LRRC42: variants seen among roughly 807,000 people sequenced by gnomAD.
LRRC42 encodes the protein leucine-rich repeat-containing protein 42.
Under a neutral mutation model 44.3 loss-of-function variants are expected in LRRC42, and 43 were observed. That is an observed-to-expected ratio of 0.97 (90% confidence interval 0.76 to 1.25). LRRC42 has a LOEUF of 1.25. Among genes scored for constraint, LRRC42 ranks in the 50% most tolerant of loss-of-function variants. LRRC42 has a pLI of 0.00. For missense variants in LRRC42, 540 were observed against 509.1 expected (o/e 1.06, Z -0.58); for synonymous variants, 207 against 195.2 (o/e 1.06, Z -0.50).
intron 2 of LRRC42, among the ~76,000 whole-genome samples, chr1:53,949,687 G>A (rs1472471467): frequency 6.6e-6 from 1 of 152,204 alleles, no homozygotes; most frequent in Admixed American, 6.5e-5. Flanking sequence ...CAAGAGAAAA[G>A]TATGGGTTAT....
chr1:53,951,028 T>G (rs915424787), intron 2 of LRRC42, among the ~76,000 whole-genome samples: 2 of 152,232 alleles, frequency 1.3e-5, no homozygotes, highest in African/African-American at 4.8e-5. Context: ...CACTGTGTTA[T>G]AGAGTCTGCA....
intron 4 of LRRC42, 149 bp from the exon 5 acceptor site, chr1:53,960,207 G>A: frequency 1.7e-6 from 1 of 591,262 alleles, no homozygotes; most frequent in Non-Finnish European, 2.9e-6. Flanking sequence ...GCCCAAAAGA[G>A]CTTAACTTTG....
intron 3 of LRRC42, among the ~76,000 whole-genome samples, chr1:53,954,762 G>A (rs1193827962): frequency 6.6e-6 from 1 of 152,154 alleles, no homozygotes; most frequent in Non-Finnish European, 1.5e-5. Context: ...TGGTCAGATT[G>A]GGATGAGAAT....
chr1:53,965,484 C>A (rs1263668771), intron 7 of LRRC42, among the ~76,000 whole-genome samples: 1 of 140,556 alleles, frequency 7.1e-6, no homozygotes, highest in Non-Finnish European at 1.6e-5. Context: ...TTTTTCTTTT[C>A]TTTTTTTTTT....
At chr1:53,952,537 C>T (rs1306635155) in intron 3 of LRRC42, 65 bp downstream of exon 3, 8 of 1,368,506 alleles carry the variant, frequency 5.8e-6, no homozygotes, top group South Asian at 1.4e-5. Context: ...AGCTCTGGGG[C>T]TTAGTGGGCT....
chr1:53,959,213 A>T (rs1654929165), intron 4 of LRRC42, among the ~76,000 whole-genome samples: 1 of 152,244 alleles, frequency 6.6e-6, no homozygotes, highest in Non-Finnish European at 1.5e-5. Flanking sequence ...AACAATCATT[A>T]TCGTTTGCTA....
At chr1:53,958,372 C>T in intron 4 of LRRC42, 92 bp downstream of exon 4, 2 of 1,498,580 alleles carry the variant, frequency 1.3e-6, no homozygotes, top group East Asian at 2.3e-5. Flanking sequence ...CTGATTACTT[C>T]CCATTCTTAT....
chr1:53,952,537 C>A, intron 3 of LRRC42, 65 bp downstream of exon 3: 1 of 1,368,622 alleles, frequency 7.3e-7, no homozygotes, highest in Non-Finnish European at 9.9e-7. Context: ...AGCTCTGGGG[C>A]TTAGTGGGCT....
chr1:53,967,116 A>G (rs796724585), intron 8 of LRRC42, among the ~76,000 whole-genome samples: 3 of 152,358 alleles, frequency 2.0e-5, no homozygotes, highest in African/African-American at 7.2e-5. Context: ...ATATTTTATC[A>G]TGATTTTAAA....
intron 3 of LRRC42, among the ~76,000 whole-genome samples, chr1:53,956,804 T>C (rs1654853729): frequency 6.6e-6 from 1 of 152,242 alleles, no homozygotes; most frequent in Non-Finnish European, 1.5e-5. Context: ...TCAGAATTAC[T>C]AAAAATCTTT....
rs553807489 is a variant in LRRC42 at position 53,958,036 on chromosome 1, A to G, written c.474-113A>G. On this transcript the variant is annotated intron_variant, in intron 3 of 8. Transcript: ENST00000371370. ...GTAATTAGTGAAGTCTGCTTATTCC[A>G]TAGTACTGTGTCCTGATGGGATGGT... The G allele has an allele frequency of 7.7e-5, 105 of 1,359,428 alleles. 1 individual carries two copies. The highest frequency in any genetic ancestry group is 3.4e-4 in the East Asian group (14 of 40,962). 84.2% of individuals were successfully genotyped at this position (1,359,428 alleles called of 1,614,324 possible). A position where few individuals can be genotyped will look rare whatever the true frequency, so the allele number is the denominator to read the frequency against.
intron 5 of LRRC42, among the ~76,000 whole-genome samples, chr1:53,961,304 G>A (rs866126796): frequency 3.4e-4 from 51 of 152,042 alleles, no homozygotes; most frequent in African/African-American, 1.1e-3. Context: ...CCAGCTACTC[G>A]GGAGGCTGAG....
At position 53,966,345 on chromosome 1, in the gene LRRC42, A is replaced by T. The variant is rs909563119; in HGVS notation, c.977A>T (p.Glu326Val). Reference protein sequence around the residue: ...RVTAEAVKPRETSEPRAAAQR... With the variant: ...RVTAEAVKPRVTSEPRAAAQR... ...ACTGCGGAAGCTGTGAAGCCACGGGAGACCTCGGAGCCTAGAGCAGCAGCT... is the reference window on the plus strand; with the variant it reads ...ACTGCGGAAGCTGTGAAGCCACGGGTGACCTCGGAGCCTAGAGCAGCAGCT... The change falls in exon 8 of 9, where the codon GAG becomes GTG. Residue 326 changes from glutamate (E) to valine (V), a missense_variant. Coordinates refer to ENST00000371370, the MANE Select transcript of LRRC42 (RefSeq NM_001256409.2). 2 of 1,614,038 alleles carry T rather than the reference A, an allele frequency of 1.2e-6. No individual in the cohort carries two copies. The highest frequency in any genetic ancestry group is 1.7e-6 in the Non-Finnish European group (2 of 1,179,868).
rs1369514944 is a variant in LRRC42 at position 53,962,106 on chromosome 1, C to G, written c.797C>G (p.Ser266Cys). The G allele has an allele frequency of 5.0e-6, 8 of 1,613,502 alleles. No homozygotes were observed. Among genetic ancestry groups the G allele is most frequent in the Non-Finnish European group, 6.8e-6 (8 of 1,179,504 alleles). Residue 266 changes from serine (S) to cysteine (C), a missense_variant, in exon 6 of 9, where the codon TCT (serine) becomes TGT (cysteine). Transcript: ENST00000371370. ...AGGAAACTAAACTGCTTAGATATCT[C>G]TGGGACAGGGCTCAAGGTAAGACTT... ...SFRKLNCLDISGTGLKDIKTV... is the reference protein window; with the variant it reads ...SFRKLNCLDICGTGLKDIKTV...
Position 53,967,702 on chromosome 1 carries a change from TC to T in LRRC42, c.1054del (p.Leu352TrpfsTer6). 6.2e-7 allele frequency: 1 copy of T among 1,614,028 alleles called. No homozygotes were observed. Among genetic ancestry groups the T allele is most frequent in the South Asian group, 1.1e-5 (1 of 91,074 alleles). On this transcript the variant is annotated frameshift_variant, in exon 9 of 9. Coordinates refer to ENST00000371370, the MANE Select transcript of LRRC42 (RefSeq NM_001256409.2). LOFTEE classifies it high-confidence loss of function. ...CTCGAGCAGAAGCCCCACTGAAGTG[TC>T]CCCTGGCAGACACCCACATGAACTC... ...RSRAEAPLKC[P>X]LADTHMNSSE...
Position 53,966,393 on chromosome 1 carries a change from C to T in LRRC42, c.1012+13C>T, listed in dbSNP as rs187265446. ...GCTCAGCGCTTCTGTGAGAAATTCC[C>T]TTTCCTTTGAAGTTTTTTGCCCTTT... is the stretch of plus-strand genomic sequence containing the variant. On this transcript the variant is annotated intron_variant, in intron 8 of 8. Transcript: ENST00000371370. 70 of 1,606,958 alleles carry T rather than the reference C, an allele frequency of 4.4e-5. 1 individual carries two copies. Among genetic ancestry groups the T allele is most frequent in the South Asian group, 2.1e-4 (19 of 90,908 alleles).
chr1:53,960,149 C>A (rs1654955126), intron 4 of LRRC42, among the ~76,000 whole-genome samples: 1 of 152,126 alleles, frequency 6.6e-6, no homozygotes, highest in Non-Finnish European at 1.5e-5. Context: ...ATCCTCCAGC[C>A]TCAGTCTTCC....
intron 3 of LRRC42, among the ~76,000 whole-genome samples, chr1:53,957,052 C>G (rs191005136): frequency 6.6e-6 from 1 of 152,334 alleles, no homozygotes; most frequent in Non-Finnish European, 1.5e-5. Context: ...CCATCTGTAC[C>G]TAGCTGTCAG....
chr1:53,948,260 A>G (rs762006569), intron 2 of LRRC42, among the ~76,000 whole-genome samples: 1 of 152,086 alleles, frequency 6.6e-6, no homozygotes, highest in African/African-American at 2.4e-5. Flanking sequence ...TCAGCTCACA[A>G]TTTTACCCTG....
Sources: gnomAD v4.1 joint callset for allele counts (sites outside exome capture counted in the v4.1 genomes callset) on GRCh38, gnomAD v4.1.1 for gene constraint, MANE v1.5 for transcripts, NCBI Gene and HGNC (gene_info 2026-07-23, HGNC 2026-07-21) for gene names.